The following DKK2 variants were observed in gnomAD, a reference collection of about 807,000 sequenced individuals.
The protein encoded by DKK2 is dickkopf Wnt signaling pathway inhibitor 2, also known as dickkopf-related protein 2.
In DKK2, 11 loss-of-function variants were observed where a neutral mutation model predicts 28.1. That is an observed-to-expected ratio of 0.39 (90% CI 0.25 to 0.65). DKK2 has a LOEUF of 0.65. Ranked by LOEUF, DKK2 falls within the 30% of genes least tolerant of loss-of-function variation. The pLI is 0.47. For missense variants in DKK2, 326 were observed against 335.5 expected, an observed-to-expected ratio of 0.97 and a Z score of 0.22; for synonymous variants, 135 against 126.5, an observed-to-expected ratio of 1.07 and a Z score of -0.45.
chr4:106,993,733 TAA>T (rs979028836), intron 1 of DKK2, among the ~76,000 whole-genome samples: 8 of 152,288 alleles, frequency 5.3e-5, no homozygotes, highest in African/African-American at 1.4e-4. Context: ...AATTCTTAGT[TAA>T]AAGTCTTCCC....
intron 1 of DKK2, among the ~76,000 whole-genome samples, chr4:107,022,830 T>C (rs1458058797): frequency 6.6e-6 from 1 of 152,116 alleles, no homozygotes; most frequent in Non-Finnish European, 1.5e-5. Flanking sequence ...ATCCTATTAA[T>C]TACAGTATAA....
intron 1 of DKK2, among the ~76,000 whole-genome samples, chr4:107,034,057 C>G (rs1461226300): frequency 6.6e-6 from 1 of 152,112 alleles, no homozygotes; most frequent in East Asian, 1.9e-4. Flanking sequence ...CACTTCAAAG[C>G]TCTGGGAAGA....
chr4:107,035,356 G>T lies in DKK2; in HGVS notation c.222+14C>A, dbSNP rs575841439. 6.2e-7 allele frequency: 1 copy of T among 1,613,790 alleles called. No individual in the cohort carries two copies. Among genetic ancestry groups the T allele is most frequent in the Non-Finnish European group, 8.5e-7 (1 of 1,179,670 alleles). On this transcript the variant is annotated intron_variant, in intron 1 of 3. Transcript: ENST00000285311. The stretch of plus-strand genomic sequence containing the variant: ...CCTCTTCTGTCTGAAGAATGTGTTT[G>T]GGGGTTTTCCTACCTGCCCCAGGTT...
chr4:107,025,057 C>G (rs934116967), intron 1 of DKK2, among the ~76,000 whole-genome samples: 11 of 152,234 alleles, frequency 7.2e-5, no homozygotes, highest in Middle Eastern at 3.4e-3. Context: ...AGAGGTTAAC[C>G]ATATCCCCAG....
intron 1 of DKK2, among the ~76,000 whole-genome samples, chr4:106,990,647 A>C (rs1487319733): frequency 6.6e-6 from 1 of 152,134 alleles, no homozygotes; most frequent in Non-Finnish European, 1.5e-5. Context: ...TTGAACACAG[A>C]CTTGTGGAAA....
chr4:106,995,000 A>C (rs1046407030), intron 1 of DKK2, among the ~76,000 whole-genome samples: 2 of 152,206 alleles, frequency 1.3e-5, no homozygotes, highest in East Asian at 1.9e-4. Context: ...TTTTATTAAA[A>C]CCATGGTTTC....
chr4:107,033,386 T>G (rs1490762049), intron 1 of DKK2, among the ~76,000 whole-genome samples: 1 of 150,796 alleles, frequency 6.6e-6, no homozygotes, highest in Non-Finnish European at 1.5e-5. Context: ...TTAAGAAGCA[T>G]AATTAAGTAG....
At position 106,939,940 on chromosome 4, in the gene DKK2, C is replaced by G. The variant is rs1435180687; in HGVS notation, c.223-13991G>C. On this transcript the variant is annotated intron_variant, in intron 1 of 3. Transcript: ENST00000285311. The stretch of plus-strand genomic sequence containing the variant: ...GCTGAAACTGGATCCCTTCCTTATA[C>G]CTTATACAAAAATCAATTCAAGATG... 3.3e-5 allele frequency among the ~76,000 whole-genome samples: 5 copies of G among 152,220 alleles called. No individual in the cohort carries two copies. In the South Asian group the frequency reaches 1.0e-3, roughly 32 times the overall value.
At chr4:107,026,801 G>A (rs1336399548) in intron 1 of DKK2, among the ~76,000 whole-genome samples, 2 of 152,172 alleles carry the variant, frequency 1.3e-5, no homozygotes, top group Non-Finnish European at 2.9e-5. Context: ...GGATTTTTCT[G>A]TTGTGGTTGC....
At chr4:106,937,741 A>G (rs1416497711) in intron 1 of DKK2, among the ~76,000 whole-genome samples, 4 of 144,124 alleles carry the variant, frequency 2.8e-5, no homozygotes, top group Non-Finnish European at 4.6e-5. Flanking sequence ...AGCAAATGTA[A>G]AAGAACAGAA....
intron 1 of DKK2, among the ~76,000 whole-genome samples, chr4:106,932,672 A>T (rs78450813): frequency 0.023 from 3,460 of 152,260 alleles, 141 homozygotes; most frequent in African/African-American, 0.079. Flanking sequence ...GTTTTACAGC[A>T]GTGGTTGGGA....
At chr4:106,926,187 T>G (rs1177069853) in intron 1 of DKK2, among the ~76,000 whole-genome samples, 2 of 152,136 alleles carry the variant, frequency 1.3e-5, no homozygotes, top group Non-Finnish European at 2.9e-5. Context: ...ATATTTTCAT[T>G]GACACAACGC....
chr4:106,958,107 T>C (rs1240034275), intron 1 of DKK2, among the ~76,000 whole-genome samples: 1 of 150,430 alleles, frequency 6.6e-6, no homozygotes, highest in African/African-American at 2.4e-5. Flanking sequence ...AAATGATTGA[T>C]GGAATGATAA....
At chr4:106,953,123 C>T (rs146844832) in intron 1 of DKK2, among the ~76,000 whole-genome samples, 6 of 152,236 alleles carry the variant, frequency 3.9e-5, no homozygotes, top group African/African-American at 1.2e-4. Context: ...TAGGTAACCA[C>T]GTTTATTTTG....
intron 1 of DKK2, among the ~76,000 whole-genome samples, chr4:106,959,301 C>T (rs1053800952): frequency 2.6e-5 from 4 of 152,012 alleles, no homozygotes; most frequent in African/African-American, 4.8e-5. Context: ...TTTTTATGAG[C>T]GCCTGATTGC....
chr4:106,950,197 A>G (rs1390668498), intron 1 of DKK2, among the ~76,000 whole-genome samples: 1 of 152,232 alleles, frequency 6.6e-6, no homozygotes, highest in Non-Finnish European at 1.5e-5. Flanking sequence ...TTTTAACAAC[A>G]GTCTTTCCCA....
intron 1 of DKK2, among the ~76,000 whole-genome samples, chr4:107,007,873 C>A (rs932089403): frequency 6.6e-6 from 1 of 152,074 alleles, no homozygotes; most frequent in African/African-American, 2.4e-5. Context: ...CTAGAACTTC[C>A]AGTGAATAGT....
At chr4:107,032,435 T>C (rs1455737141) in intron 1 of DKK2, among the ~76,000 whole-genome samples, 2 of 152,086 alleles carry the variant, frequency 1.3e-5, no homozygotes, top group Non-Finnish European at 2.9e-5. Context: ...AATGTTTATC[T>C]TTATATGAAA....
chr4:106,976,935 T>C (rs1013242384), intron 1 of DKK2, among the ~76,000 whole-genome samples: 1 of 152,216 alleles, frequency 6.6e-6, no homozygotes, highest in Non-Finnish European at 1.5e-5. Context: ...GCAGGCCCGA[T>C]GGTGACAAAA....
Sources: allele counts gnomAD v4.1 joint callset (sites outside exome capture counted in the v4.1 genomes callset), GRCh38; gene constraint gnomAD v4.1.1; transcripts MANE v1.5; gene names NCBI Gene and HGNC (gene_info 2026-07-23, HGNC 2026-07-21).